The following ADGRA3 variants were observed in gnomAD, a reference collection of about 807,000 sequenced individuals.
The protein encoded by ADGRA3 is adhesion G protein-coupled receptor A3.
A neutral mutation model predicts 119.8 loss-of-function variants in ADGRA3; 56 were observed. The ratio of observed to expected loss-of-function variants is 0.47; its 90% CI spans 0.38 to 0.58. The LOEUF is 0.58. Ranked by LOEUF, ADGRA3 falls within the 20% of genes least tolerant of loss-of-function variation. The pLI is 0.00. For synonymous variants in ADGRA3, 607 were observed against 623.8 expected (o/e 0.97, Z 0.40); for missense variants, 1,516 against 1,649.0 (o/e 0.92, Z 1.40).
intron 1 of ADGRA3, among the ~76,000 whole-genome samples, chr4:22,495,510 T>G (rs993409304): frequency 6.6e-6 from 1 of 152,044 alleles, no homozygotes; most frequent in Non-Finnish European, 1.5e-5. Flanking sequence ...ATTTTGGAAA[T>G]AGACAAAAAA....
chr4:22,441,674 A>T (rs1272202462), intron 7 of ADGRA3, among the ~76,000 whole-genome samples: 2 of 152,156 alleles, frequency 1.3e-5, no homozygotes, highest in African/African-American at 4.8e-5. Flanking sequence ...ATACTTTTTT[A>T]AAAAGAAGAA....
At chr4:22,412,107 T>C (rs1715231034) in intron 14 of ADGRA3, among the ~76,000 whole-genome samples, 1 of 152,156 alleles carries the variant, frequency 6.6e-6, no homozygotes, top group Non-Finnish European at 1.5e-5. Context: ...AGCACTTTGA[T>C]AAAACATTTT....
At chr4:22,492,897 C>A (rs944980737) in intron 1 of ADGRA3, among the ~76,000 whole-genome samples, 3 of 152,192 alleles carry the variant, frequency 2.0e-5, no homozygotes, top group African/African-American at 7.2e-5. Context: ...TACAAGTGTG[C>A]ATTTTGCACA....
intron 14 of ADGRA3, among the ~76,000 whole-genome samples, chr4:22,411,692 T>C (rs374044489): frequency 1.1e-4 from 16 of 152,192 alleles, no homozygotes; most frequent in African/African-American, 3.9e-4. Flanking sequence ...CAAGACATCT[T>C]CCATTTACAA....
intron 4 of ADGRA3, among the ~76,000 whole-genome samples, chr4:22,452,288 A>C (rs1413645897): frequency 1.3e-5 from 2 of 152,174 alleles, no homozygotes; most frequent in Non-Finnish European, 2.9e-5. Flanking sequence ...TGATGAGATT[A>C]ATGGGTATAA....
intron 10 of ADGRA3, among the ~76,000 whole-genome samples, chr4:22,427,339 A>AC (rs1480293959): frequency 2.0e-5 from 3 of 152,148 alleles, no homozygotes; most frequent in Non-Finnish European, 2.9e-5. Flanking sequence ...TAGGGACCTG[A>AC]CATGAGATCT....
Position 22,441,889 on chromosome 4 carries a change from C to T in ADGRA3, c.920+761G>A, listed in dbSNP as rs184251475. On this transcript the variant is annotated intron_variant, in intron 7 of 18. Transcript: ENST00000334304. ...AGTCTTGAATCTCAACTCAGAGAACCCCTGAGATTTGAATGTCAACTCAGA... is the reference window on the plus strand; with the variant it reads ...AGTCTTGAATCTCAACTCAGAGAACTCCTGAGATTTGAATGTCAACTCAGA... Among the ~76,000 whole-genome samples, 162 of 152,182 alleles carry T rather than the reference C, an allele frequency of 1.1e-3. 1 individual carries two copies. The highest frequency in any genetic ancestry group is 3.7e-3 in the African/African-American group (152 of 41,530).
Position 22,415,762 on chromosome 4 carries a change from A to C in ADGRA3, c.1810-1948T>G, listed in dbSNP as rs147964327. Among the ~76,000 whole-genome samples, 135 of 152,292 alleles carry C rather than the reference A, an allele frequency of 8.9e-4. 1 individual carries two copies. The East Asian group carries it at 0.025, about 28-fold the overall frequency. On this transcript the variant is annotated intron_variant, in intron 12 of 18. Coordinates refer to ENST00000334304, the MANE Select transcript of ADGRA3 (RefSeq NM_145290.4). Reference sequence around the variant, plus strand: ...TTTACATTTTTTAAAAGAAAGTTAAAATAGGGAATAACATCTATACTTTCT... The same window carrying C: ...TTTACATTTTTTAAAAGAAAGTTAACATAGGGAATAACATCTATACTTTCT...
At chr4:22,420,600 C>G in intron 12 of ADGRA3, 1 of 448,540 alleles carries the variant, frequency 2.2e-6, no homozygotes, top group South Asian at 5.3e-5. Context: ...AAGATTTTTT[C>G]ACATGTAACA....
intron 2 of ADGRA3, among the ~76,000 whole-genome samples, chr4:22,471,560 T>C (rs868205942): frequency 2.0e-5 from 3 of 152,306 alleles, no homozygotes; most frequent in African/African-American, 7.2e-5. Flanking sequence ...TGGGCATGCA[T>C]GCCCCCGCCA....
Position 22,457,595 on chromosome 4 carries a change from G to A in ADGRA3, c.402-2658C>T, listed in dbSNP as rs190168054. ...GCAAGAACACAAGAGACTACTTAACGTGTAACACAGTGAAAGACTACTAAG... is the reference window on the plus strand; with the variant it reads ...GCAAGAACACAAGAGACTACTTAACATGTAACACAGTGAAAGACTACTAAG... On this transcript the variant is annotated intron_variant, in intron 3 of 18. Transcript: ENST00000334304. 1.4e-3 allele frequency among the ~76,000 whole-genome samples: 218 copies of A among 152,258 alleles called. No individual in the cohort carries two copies. The Middle Eastern group carries it at 0.017, about 12-fold the overall frequency.
At chr4:22,511,778 A>G (rs940897248) in intron 1 of ADGRA3, among the ~76,000 whole-genome samples, 2 of 152,088 alleles carry the variant, frequency 1.3e-5, no homozygotes, top group South Asian at 4.1e-4. Flanking sequence ...GCACAGCAGC[A>G]TAACCAGATA....
intron 17 of ADGRA3, among the ~76,000 whole-genome samples, chr4:22,391,729 T>A (rs544695963): frequency 5.6e-4 from 86 of 152,276 alleles, no homozygotes; most frequent in Non-Finnish European, 9.7e-4. Context: ...CCAACTTTCA[T>A]CCTGAATTCC....
At chr4:22,406,510 G>T (rs1714934741) in intron 14 of ADGRA3, among the ~76,000 whole-genome samples, 1 of 151,996 alleles carries the variant, frequency 6.6e-6, no homozygotes, top group Non-Finnish European at 1.5e-5. Context: ...ACTTAACTGG[G>T]GTAAGGTATC....
At position 22,438,016 on chromosome 4, in the gene ADGRA3, A is replaced by G. The variant is rs76365831; in HGVS notation, c.1085+240T>C. Among the ~76,000 whole-genome samples, 1,431 of 152,320 alleles carry G rather than the reference A, an allele frequency of 9.4e-3. 38 individuals are homozygous for G. The highest frequency in any genetic ancestry group is 0.051 in the East Asian group (267 of 5,190). ...GCAATGGCTCTTACACAACAAAACC[A>G]TTTGTTAAAAATGACTCTACTTTCA... On this transcript the variant is annotated intron_variant, in intron 8 of 18. Transcript: ENST00000334304.
intron 3 of ADGRA3, among the ~76,000 whole-genome samples, chr4:22,460,853 A>T (rs768314008): frequency 1.3e-5 from 2 of 152,188 alleles, no homozygotes; most frequent in Admixed American, 1.3e-4. Context: ...AAGTCAGGGC[A>T]TGGTAAGTGG....
intron 14 of ADGRA3, among the ~76,000 whole-genome samples, chr4:22,404,067 C>T (rs986488473): frequency 2.6e-5 from 4 of 152,184 alleles, no homozygotes; most frequent in Admixed American, 6.5e-5. Flanking sequence ...GACACCTCTA[C>T]CCTGGCCACC....
intron 1 of ADGRA3, among the ~76,000 whole-genome samples, chr4:22,504,585 T>C (rs1156855491): frequency 1.3e-5 from 2 of 152,180 alleles, no homozygotes. Context: ...TAGTCGTTTT[T>C]CCTGGCTTCT....
chr4:22,398,755 A>G (rs141971429), intron 16 of ADGRA3, among the ~76,000 whole-genome samples: 2 of 152,300 alleles, frequency 1.3e-5, no homozygotes, highest in African/African-American at 4.8e-5. Flanking sequence ...CTCTTGTATA[A>G]TAACACAGGG....
Sources: allele counts gnomAD v4.1 joint callset (sites outside exome capture counted in the v4.1 genomes callset), GRCh38; gene constraint gnomAD v4.1.1; transcripts MANE v1.5; gene names NCBI Gene and HGNC (gene_info 2026-07-23, HGNC 2026-07-21).